GNAS: variants seen among roughly 807,000 people sequenced by gnomAD.
GNAS encodes protein ALEX.
GNAS carries 8 observed loss-of-function variants against 54.5 expected under a neutral mutation model. The observed-to-expected ratio is 0.15, with a 90% confidence interval of 0.09 to 0.26. The LOEUF is 0.26. Among genes scored for constraint, GNAS ranks in the 10% least tolerant of loss-of-function variants. The probability of loss-of-function intolerance (pLI) is 1.00; values close to 1 mark genes in which losing one functional copy is unlikely to be tolerated. For missense variants in GNAS, 170 were observed against 529.8 expected (o/e 0.32, Z 6.67); for synonymous variants, 204 against 191.4 (o/e 1.07, Z -0.54).
chr20:58,869,886 C>T (rs79321198), intron 1 of GNAS, among the ~76,000 whole-genome samples: 3,029 of 152,282 alleles, frequency 0.02, 99 homozygotes, highest in African/African-American at 0.069. Flanking sequence ...CTTTAGGCCT[C>T]GTTTCCACGG....
chr20:58,879,711 G>A (rs1043229749), intron 1 of GNAS, among the ~76,000 whole-genome samples: 1 of 152,146 alleles, frequency 6.6e-6, no homozygotes, highest in Non-Finnish European at 1.5e-5. Flanking sequence ...AGAGGAGGGG[G>A]GAAATGAAGC....
chr20:58,876,872 T>G (rs1418738069), intron 1 of GNAS: 1 of 152,490 alleles, frequency 6.6e-6, no homozygotes, highest in Non-Finnish European at 1.5e-5. Flanking sequence ...CCACCGTTCC[T>G]CCTGATGAAA....
At position 58,910,784 on chromosome 20, in the gene GNAS, T is replaced by C. The variant is rs757141595; in HGVS notation, c.1140T>C (p.Arg380=). 1 of 1,614,084 alleles carries C rather than the reference T, an allele frequency of 6.2e-7. No individual in the cohort carries two copies. Among genetic ancestry groups the C allele is most frequent in the South Asian group, 1.1e-5 (1 of 91,068 alleles). Residue 380 remains arginine (R), a synonymous_variant, in exon 13 of 13, where the codon CGT becomes CGC. Transcript: ENST00000371085. This position sits in a 1 kb window ranked among gnomAD's most constrained non-coding sequence, Gnocchi z 5.8. ...ENIRRVFNDC[R]DIIQRMHLRQ... ...TCCGCCGTGTGTTCAACGACTGCCG[T>C]GACATCATTCAGCGCATGCACCTTC... is the stretch of plus-strand genomic sequence containing the variant.
At chr20:58,847,646 G>A (rs570131016) in intron 1 of GNAS, among the ~76,000 whole-genome samples, 1 of 152,154 alleles carries the variant, frequency 6.6e-6, no homozygotes, top group Non-Finnish European at 1.5e-5. Context: ...AGGCACTTCT[G>A]CAAACTTCAC....
chr20:58,854,114 C>A lies in GNAS; in HGVS notation c.43+13228C>A, dbSNP rs772740939. The stretch of plus-strand genomic sequence containing the variant: ...TCTGGGTCCCAGGCGCCATCGGCAG[C>A]CCATCCCAAGAGGCTGTCAGACCTC... On this transcript the variant is annotated intron_variant, in intron 1 of 12. Coordinates refer to the GNAS transcript ENST00000306090. The A allele has an allele frequency of 1.2e-6, 2 of 1,611,696 alleles. No homozygotes were observed. The highest frequency in any genetic ancestry group is 4.5e-5 in the East Asian group (2 of 44,866).
intron 1 of GNAS, among the ~76,000 whole-genome samples, chr20:58,861,663 A>C (rs1302877122): frequency 6.6e-6 from 1 of 152,216 alleles, no homozygotes; most frequent in African/African-American, 2.4e-5. Context: ...GGGGGAAAGA[A>C]GCCCCTGAAC....
intron 1 of GNAS, among the ~76,000 whole-genome samples, chr20:58,868,190 A>G (rs1326544056): frequency 6.6e-6 from 1 of 151,922 alleles, no homozygotes; most frequent in Non-Finnish European, 1.5e-5. Flanking sequence ...ATAGCTAATT[A>G]TGTATTTTTA....
chr20:58,840,270 G>A (rs761937008), upstream of GNAS: 11 of 1,611,780 alleles, frequency 6.8e-6, no homozygotes, highest in Non-Finnish European at 9.3e-6. The surrounding 1 kb of genome is among the most constrained non-coding windows in gnomAD (Gnocchi z 6.0). Context: ...GCCCAGCAGC[G>A]CGCGGCTGCC....
chr20:58,840,068 C>G (rs1244215240), upstream of GNAS: 1 of 1,605,274 alleles, frequency 6.2e-7, no homozygotes, highest in Admixed American at 1.7e-5. The surrounding 1 kb of genome is among the most constrained non-coding windows in gnomAD (Gnocchi z 6.0). Context: ...CTCTGCAGAG[C>G]CAGAGGGCAG....
At chr20:58,855,551 C>T (rs2086446020) in intron 1 of GNAS, 1 of 718,962 alleles carries the variant, frequency 1.4e-6, no homozygotes, top group Admixed American at 2.0e-5. Context: ...ATATGCCCTC[C>T]AGGGAGAAAA....
Position 58,909,421 on chromosome 20 carries a change from C to G in GNAS, c.657C>G (p.Phe219Leu), listed in dbSNP as rs2146272772. The change falls in exon 8 of 13, where the codon TTC (phenylalanine) becomes TTG (leucine). Residue 219 changes from phenylalanine (F) to leucine (L), a missense_variant and splice_region_variant. Phe to Leu is a conservative substitution (Grantham distance 22). Around this residue, in one of 3 missense-constraint regions of GNAS, gnomAD observed 78 missense variants for 251.1 expected, o/e 0.31. Coordinates refer to ENST00000371085, the MANE Select transcript of GNAS (RefSeq NM_000516.7). The surrounding 1 kb of genome is among the most constrained non-coding windows in gnomAD (Gnocchi z 7.3). Reference sequence around the variant, plus strand: ...AGTTCCAGGTGGACAAAGTCAACTTCCAGTAAGCCAACTGTTACCTTTTTA... The same window carrying G: ...AGTTCCAGGTGGACAAAGTCAACTTGCAGTAAGCCAACTGTTACCTTTTTA... Reference protein sequence around the residue: ...ETKFQVDKVNFHMFDVGGQRD... With the variant: ...ETKFQVDKVNLHMFDVGGQRD... 1 of 1,612,906 alleles carries G rather than the reference C, an allele frequency of 6.2e-7. No individual in the cohort carries two copies. The highest frequency in any genetic ancestry group is 8.5e-7 in the Non-Finnish European group (1 of 1,178,882).
chr20:58,910,548 C>T lies in GNAS; in HGVS notation c.1039-135C>T, dbSNP rs1381134198. 14 of 1,208,610 alleles carry T rather than the reference C, an allele frequency of 1.2e-5. No homozygotes were observed. Among genetic ancestry groups the T allele is most frequent in the South Asian group, 3.7e-5 (3 of 80,322 alleles). 74.9% of individuals were successfully genotyped at this position (1,208,610 alleles called of 1,614,324 possible). ...ATCCAGTGTGGATTTGAGCTCTTTGCGCCCCTCTTTTTGCTTTTGTTTTCA... is the reference window on the plus strand; with the variant it reads ...ATCCAGTGTGGATTTGAGCTCTTTGTGCCCCTCTTTTTGCTTTTGTTTTCA... On this transcript the variant is annotated intron_variant, in intron 12 of 12. Transcript: ENST00000371085. The surrounding 1 kb of genome is among the most constrained non-coding windows in gnomAD (Gnocchi z 5.8).
At position 58,898,960 on chromosome 20, in the gene GNAS, C is replaced by G; in HGVS notation, c.232C>G (p.Gln78Glu). The G allele has an allele frequency of 6.2e-7, 1 of 1,613,954 alleles. No homozygotes were observed. The highest frequency in any genetic ancestry group is 8.5e-7 in the Non-Finnish European group (1 of 1,179,824). ...FNGEGGEEDP[Q>E]AARSNSDGEK... ...TAAAAGGGGCGGCGAAGAGGACCCG[C>G]AGGCTGCAAGGAGCAACAGCGATGG... is the stretch of plus-strand genomic sequence containing the variant. The change falls in exon 3 of 13, where the codon CAG becomes GAG. Residue 78 changes from glutamine to glutamate, a missense_variant. Coordinates refer to ENST00000371085, the MANE Select transcript of GNAS (RefSeq NM_000516.7).
At chr20:58,855,649 G>C in intron 1 of GNAS, 1 of 706,636 alleles carries the variant, frequency 1.4e-6, no homozygotes. Flanking sequence ...CTTCAGGTGA[G>C]CCAGGAACTG....
intron 1 of GNAS, chr20:58,854,654 C>A (rs1186745166): frequency 6.5e-7 from 1 of 1,530,468 alleles, no homozygotes; most frequent in East Asian, 2.5e-5. Flanking sequence ...ACGCCCCAGC[C>A]GATCCAGATG....
At position 58,873,614 on chromosome 20, in the gene GNAS, T is replaced by TAC; in HGVS notation, c.44-21998_44-21997insAC. 6.6e-6 allele frequency among the ~76,000 whole-genome samples: 1 copy of TAC among 152,348 alleles called. No homozygotes were observed. Among genetic ancestry groups the TAC allele is most frequent in the South Asian group, 2.1e-4 (1 of 4,824 alleles). Reference sequence around the variant, plus strand: ...TGTCTGTCTAGTAGCATCTCTAAGCTTGCAGTAGCTGCTCACGTGTCTGCC... The same window carrying TAC: ...TGTCTGTCTAGTAGCATCTCTAAGCTACTGCAGTAGCTGCTCACGTGTCTGCC... On this transcript the variant is annotated intron_variant, in intron 1 of 12. Transcript: ENST00000306090. This position sits in a 1 kb window ranked among gnomAD's most constrained non-coding sequence, Gnocchi z 4.3.
In GNAS at chr20:58,853,374, G is replaced by C. The variant is rs970821278; in HGVS notation, c.43+12488G>C. ...ACCACCTTTGGAGGCCCCAGGGGCA[G>C]CTGCCCCCGGTGCTGGGCCTAGCCC... On this transcript the variant is annotated intron_variant, in intron 1 of 12. Transcript: ENST00000306090. The surrounding 1 kb of genome is among the most constrained non-coding windows in gnomAD (Gnocchi z 4.4). The C allele has an allele frequency of 1.9e-5, 30 of 1,556,158 alleles. No individual in the cohort carries two copies. Among genetic ancestry groups the C allele is most frequent in the Non-Finnish European group, 2.6e-5 (30 of 1,150,268 alleles).
At chr20:58,902,641 T>A (rs565238143) in intron 3 of GNAS, among the ~76,000 whole-genome samples, 8 of 151,696 alleles carry the variant, frequency 5.3e-5, no homozygotes, top group African/African-American at 1.9e-4. Flanking sequence ...TGATTCCTAT[T>A]GCACATGGAC....
chr20:58,847,210 C>A lies in GNAS; in HGVS notation c.43+6324C>A, dbSNP rs1212441573. ...CACGATGGGGGCTTTTTAATCTGAG[C>A]ATATCAAGTATTTTCATAAAGACTT... On this transcript the variant is annotated intron_variant, in intron 1 of 12. Coordinates refer to the GNAS transcript ENST00000306090. Among the ~76,000 whole-genome samples the A allele has an allele frequency of 2.0e-5, 3 of 152,138 alleles. No individual in the cohort carries two copies. In the South Asian group the frequency reaches 6.3e-4, roughly 32 times the overall value.
Sources: gnomAD v4.1 joint callset for allele counts (sites outside exome capture counted in the v4.1 genomes callset) on GRCh38, gnomAD v4.1.1 for gene constraint, gnomAD v4.1.1 regional missense constraint, Gnocchi (gnomAD v3.1) non-coding constraint, MANE v1.5 for transcripts, NCBI Gene and HGNC (gene_info 2026-07-23, HGNC 2026-07-21) for gene names.